The following ITGAV variants were observed in gnomAD, a reference collection of about 807,000 sequenced individuals.
The protein encoded by ITGAV is integrin alpha-V.
ITGAV carries 76 observed loss-of-function variants against 143.8 expected under a neutral mutation model. The observed-to-expected ratio is 0.53, with a 90% confidence interval of 0.44 to 0.64. The LOEUF is 0.64. Ranked by LOEUF, ITGAV falls within the 30% of genes least tolerant of loss-of-function variation. The pLI is 0.00. For missense variants in ITGAV, 1,193 were observed against 1,274.7 expected, an observed-to-expected ratio of 0.94 and a Z score of 0.98; for synonymous variants, 453 against 446.7, an observed-to-expected ratio of 1.01 and a Z score of -0.18.
chr2:186,596,499 G>C (rs991149924), intron 1 of ITGAV, among the ~76,000 whole-genome samples: 1 of 149,068 alleles, frequency 6.7e-6, no homozygotes, highest in African/African-American at 2.5e-5. Flanking sequence ...GCCCAGGCTA[G>C]AGTGCAGTGG....
chr2:186,652,223 T>A, intron 15 of ITGAV, 134 bp downstream of exon 15: 1 of 632,404 alleles, frequency 1.6e-6, no homozygotes. Flanking sequence ...TTTCTATTCT[T>A]TTTTTATTTG....
chr2:186,641,298 G>A, intron 11 of ITGAV, 88 bp from the exon 12 acceptor site: 1 of 995,566 alleles, frequency 1.0e-6, no homozygotes, highest in Non-Finnish European at 1.6e-6. Flanking sequence ...GATGCAGAAA[G>A]AGGAAAAGTG....
chr2:186,638,999 A>G (rs2105708253), intron 10 of ITGAV, among the ~76,000 whole-genome samples: 1 of 151,576 alleles, frequency 6.6e-6, no homozygotes, highest in South Asian at 2.1e-4. Context: ...AATTCTTTAA[A>G]TTCTTTTTTA....
intron 18 of ITGAV, among the ~76,000 whole-genome samples, chr2:186,663,053 T>C (rs1688790988): frequency 6.6e-6 from 1 of 152,206 alleles, no homozygotes; most frequent in African/African-American, 2.4e-5. Context: ...TCTGCTTTTT[T>C]CCCACTGTTT....
Position 186,590,207 on chromosome 2 carries a change from G to T in ITGAV, c.-132G>T. 2.7e-6 allele frequency: 2 copies of T among 733,730 alleles called. No individual in the cohort carries two copies. The highest frequency in any genetic ancestry group is 3.9e-6 in the Non-Finnish European group (2 of 510,080). The allele number at this position is 733,730 out of a possible 1,614,324, so 45.5% of individuals were successfully genotyped here. On this transcript the variant is annotated 5_prime_UTR_variant, in exon 1 of 30. Coordinates refer to ENST00000261023, the MANE Select transcript of ITGAV (RefSeq NM_002210.5). ...CTCTTGCCTGCCCCGGAGCTGTCCCGGGCTAGCCGAGAAGAGAGCGGCCGG... is the reference window on the plus strand; with the variant it reads ...CTCTTGCCTGCCCCGGAGCTGTCCCTGGCTAGCCGAGAAGAGAGCGGCCGG...
Position 186,592,510 on chromosome 2 carries a change from G to A in ITGAV, c.185+1987G>A, listed in dbSNP as rs558525064. 4.6e-5 allele frequency among the ~76,000 whole-genome samples: 7 copies of A among 151,302 alleles called. No individual in the cohort carries two copies. In the South Asian group the frequency reaches 1.5e-3, roughly 32 times the overall value. On this transcript the variant is annotated intron_variant, in intron 1 of 29. Transcript: ENST00000261023. ...GATGGCAGTGTTTTACAATGTTACT[G>A]TTAATTCTTCAGCAGTGCTCTGAGT...
intron 1 of ITGAV, among the ~76,000 whole-genome samples, chr2:186,595,207 G>A (rs1419159792): frequency 6.6e-6 from 1 of 152,178 alleles, no homozygotes; most frequent in Non-Finnish European, 1.5e-5. Flanking sequence ...AGGCTCATTG[G>A]TCAACTCAGA....
chr2:186,645,646 G>A (rs1688234220), intron 12 of ITGAV, among the ~76,000 whole-genome samples: 1 of 152,142 alleles, frequency 6.6e-6, no homozygotes, highest in Non-Finnish European at 1.5e-5. Context: ...GAAAGTTACA[G>A]GCAAGAGTAG....
chr2:186,668,488 C>G (rs987219748), intron 24 of ITGAV: 2 of 320,114 alleles, frequency 6.2e-6, no homozygotes, highest in African/African-American at 2.3e-5. Context: ...ATCCGCCCGC[C>G]TCGGCCTCCC....
chr2:186,661,392 T>C (rs966098999), intron 18 of ITGAV, among the ~76,000 whole-genome samples: 3 of 152,234 alleles, frequency 2.0e-5, no homozygotes, highest in African/African-American at 7.2e-5. Context: ...AAAAATCAGT[T>C]CCTCAGTGAC....
intron 12 of ITGAV, among the ~76,000 whole-genome samples, chr2:186,645,828 C>G (rs577129344): frequency 6.6e-6 from 1 of 151,790 alleles, no homozygotes; most frequent in Non-Finnish European, 1.5e-5. Context: ...AAAAATTAGC[C>G]GGGCATGGTG....
rs918212053 is a variant in ITGAV, at chr2:186,665,338, G to A, written c.2166+120G>A. On this transcript the variant is annotated intron_variant, in intron 21 of 29. Coordinates refer to ENST00000261023, the MANE Select transcript of ITGAV (RefSeq NM_002210.5). ...AAAACAATGTCCTTAAATTGGTTTC[G>A]ATATAATAGTTAAATGATTAGCAGA... The A allele has an allele frequency of 4.1e-5, 27 of 655,570 alleles. No homozygotes were observed. In the East Asian group the frequency reaches 6.3e-4, roughly 15 times the overall value. The allele number at this position is 655,570 out of a possible 1,614,324, so 40.6% of individuals were successfully genotyped here.
At chr2:186,635,440 T>A (rs1687923145) in intron 6 of ITGAV, among the ~76,000 whole-genome samples, 1 of 152,238 alleles carries the variant, frequency 6.6e-6, no homozygotes, top group Non-Finnish European at 1.5e-5. Context: ...TCTCTGTGAC[T>A]GAACAGATGG....
In ITGAV at chr2:186,607,838, T is replaced by C. The variant is rs142929050; in HGVS notation, c.316+5687T>C. On this transcript the variant is annotated intron_variant, in intron 2 of 29. Transcript: ENST00000261023. ...TAGGTATCATTGCTTATGCTAAAAA[T>C]GGCCCCTGACGTTAAGTTGCATTTG... Among the ~76,000 whole-genome samples the C allele has an allele frequency of 4.8e-3, 737 of 152,264 alleles. 7 individuals carry two copies. The highest frequency in any genetic ancestry group is 0.017 in the African/African-American group (702 of 41,556).
In ITGAV at chr2:186,636,036, G is replaced by A. The variant is rs200437349; in HGVS notation, c.632-46G>A. On this transcript the variant is annotated intron_variant, in intron 6 of 29. Coordinates refer to ENST00000261023, the MANE Select transcript of ITGAV (RefSeq NM_002210.5). ...TACCATACATTATCTGTATCATAAA[G>A]TTTCCATTTGAAGGTTATTTATTTT... 3.6e-5 allele frequency: 55 copies of A among 1,543,088 alleles called. No individual in the cohort carries two copies. In the African/African-American group the frequency reaches 7.0e-4, roughly 20 times the overall value.
intron 1 of ITGAV, 28 bp downstream of exon 1, chr2:186,590,551 C>T (rs9333287): frequency 0.74 from 1,182,134 of 1,596,300 alleles, 439,041 homozygotes; most frequent in East Asian, 0.86. Context: ...GAACTGGAGC[C>T]GGCCCCCTCC....
chr2:186,646,890 C>T lies in ITGAV; in HGVS notation c.1351+13C>T. On this transcript the variant is annotated intron_variant, in intron 13 of 29. Coordinates refer to ENST00000261023, the MANE Select transcript of ITGAV (RefSeq NM_002210.5). ...AATGGATATCCAGGTGCTTTCTTAT[C>T]AACACATAGAGCCCTTAGATTTTTC... 1.3e-6 allele frequency: 2 copies of T among 1,555,530 alleles called. No homozygotes were observed. The highest frequency in any genetic ancestry group is 1.8e-6 in the Non-Finnish European group (2 of 1,141,642).
intron 13 of ITGAV, among the ~76,000 whole-genome samples, chr2:186,647,335 A>C (rs1574488693): frequency 6.6e-6 from 1 of 151,758 alleles, no homozygotes; most frequent in East Asian, 1.9e-4. Context: ...TCCTGGGCTC[A>C]AGCCATCCTC....
chr2:186,653,354 A>G (rs562931531), intron 15 of ITGAV, among the ~76,000 whole-genome samples: 15 of 152,298 alleles, frequency 9.8e-5, no homozygotes, highest in Non-Finnish European at 5.9e-5. Flanking sequence ...TACCAAAATC[A>G]CCATGAGTAG....
Sources: allele counts gnomAD v4.1 joint callset (sites outside exome capture counted in the v4.1 genomes callset), GRCh38; gene constraint gnomAD v4.1.1; transcripts MANE v1.5; gene names NCBI Gene and HGNC (gene_info 2026-07-23, HGNC 2026-07-21).